The following TP63 variants were observed in gnomAD, a reference collection of about 807,000 sequenced individuals.
TP63 encodes the protein tumor protein p63, also known as tumor protein 63.
TP63 carries 17 observed loss-of-function variants against 82.8 expected under a neutral mutation model. That is an observed-to-expected ratio of 0.21 (90% confidence interval 0.14 to 0.31). The LOEUF is 0.31. Ranked by LOEUF, TP63 falls within the 10% of genes least tolerant of loss-of-function variation. TP63 has a pLI of 1.00. For missense variants in TP63, 648 were observed against 895.3 expected, an observed-to-expected ratio of 0.72 and a Z score of 3.52; for synonymous variants, 330 against 321.7, an observed-to-expected ratio of 1.03 and a Z score of -0.28.
intron 1 of TP63, among the ~76,000 whole-genome samples, chr3:189,732,563 C>T (rs1296222320): frequency 1.3e-5 from 2 of 152,204 alleles, no homozygotes; most frequent in Admixed American, 6.5e-5. Flanking sequence ...AGAACCAATG[C>T]ATTGACTACC....
At chr3:189,777,582 C>T (rs962691042) in intron 3 of TP63, among the ~76,000 whole-genome samples, 2 of 150,590 alleles carry the variant, frequency 1.3e-5, no homozygotes, top group African/African-American at 4.9e-5. Context: ...ATGTCGATTT[C>T]CTCTTCCTCT....
the TP63 span, among the ~76,000 whole-genome samples, chr3:189,611,898 G>C: frequency 5.3e-5 from 8 of 152,096 alleles, no homozygotes. Context: ...AGTTGTGAAT[G>C]GGATTGCCTT....
chr3:189,713,350 C>T (rs1718732318), intron 1 of TP63, among the ~76,000 whole-genome samples: 1 of 152,172 alleles, frequency 6.6e-6, no homozygotes, highest in Non-Finnish European at 1.5e-5. Flanking sequence ...TACACATGAG[C>T]ATCTGGTTTT....
intron 3 of TP63, among the ~76,000 whole-genome samples, chr3:189,770,300 C>T (rs946235021): frequency 2.6e-5 from 4 of 152,020 alleles, no homozygotes; most frequent in African/African-American, 7.2e-5. Flanking sequence ...TATTTTGGGC[C>T]GGGTATGGTG....
chr3:189,683,662 C>A (rs1179699400), intron 1 of TP63, among the ~76,000 whole-genome samples: 1 of 152,194 alleles, frequency 6.6e-6, no homozygotes, highest in Non-Finnish European at 1.5e-5. Flanking sequence ...TATAGTTGGA[C>A]AATTGCAGTT....
At chr3:189,737,265 A>AG (rs141524134) in intron 1 of TP63, among the ~76,000 whole-genome samples, 4,309 of 152,192 alleles carry the variant, frequency 0.028, 72 homozygotes, top group Admixed American at 0.052. Flanking sequence ...GACTAATCTG[A>AG]GGAAAAAATT....
chr3:189,875,287 G>C (rs1311684303), intron 10 of TP63, among the ~76,000 whole-genome samples: 2 of 151,758 alleles, frequency 1.3e-5, no homozygotes, highest in Non-Finnish European at 2.9e-5. Flanking sequence ...AAAACTGTAG[G>C]CCGGGCACGG....
At chr3:189,680,244 T>G (rs780131819) in intron 1 of TP63, among the ~76,000 whole-genome samples, 1 of 152,124 alleles carries the variant, frequency 6.6e-6, no homozygotes, top group Non-Finnish European at 1.5e-5. Flanking sequence ...ATATTTTCAT[T>G]TATATGTGTC....
At chr3:189,832,031 C>T (rs1712443009) in intron 4 of TP63, among the ~76,000 whole-genome samples, 2 of 151,878 alleles carry the variant, frequency 1.3e-5, no homozygotes, top group Admixed American at 1.3e-4. Flanking sequence ...AGGGTTTCAC[C>T]ATGTTGGTCA....
chr3:189,634,240 A>AC (rs1425154902), intron 1 of TP63, among the ~76,000 whole-genome samples: 1 of 152,060 alleles, frequency 6.6e-6, no homozygotes, highest in Non-Finnish European at 1.5e-5. Context: ...GTCTTTACTG[A>AC]CCTTGTGTTT....
intron 4 of TP63, among the ~76,000 whole-genome samples, chr3:189,858,822 A>C (rs778625210): frequency 6.6e-6 from 1 of 152,182 alleles, no homozygotes; most frequent in Non-Finnish European, 1.5e-5. Flanking sequence ...TTGCAACAAC[A>C]TGGATAAATC....
intron 3 of TP63, among the ~76,000 whole-genome samples, chr3:189,780,738 G>T (rs1441628525): frequency 6.6e-6 from 1 of 152,280 alleles, no homozygotes; most frequent in East Asian, 1.9e-4. Flanking sequence ...TGACATTTGT[G>T]CCTGGGAGAG....
chr3:189,780,298 T>C (rs1724131727), intron 3 of TP63, among the ~76,000 whole-genome samples: 1 of 152,168 alleles, frequency 6.6e-6, no homozygotes. Context: ...AAGCTCTTAT[T>C]ACCCAGCCCC....
At chr3:189,781,346 A>G (rs978424074) in intron 3 of TP63, among the ~76,000 whole-genome samples, 1 of 152,150 alleles carries the variant, frequency 6.6e-6, no homozygotes, top group Non-Finnish European at 1.5e-5. Flanking sequence ...GGTGGTGTGC[A>G]TACTGGATGG....
chr3:189,804,682 AT>A (rs1236248402), intron 3 of TP63, among the ~76,000 whole-genome samples: 1 of 152,224 alleles, frequency 6.6e-6, no homozygotes, highest in Non-Finnish European at 1.5e-5. Context: ...GAATTTATTG[AT>A]TTTTAATAAA....
rs534034897 is a variant in TP63, at chr3:189,816,291, T to C, written c.579+7765T>C. 4.7e-4 allele frequency among the ~76,000 whole-genome samples: 71 copies of C among 152,340 alleles called. 1 individual carries two copies. The Middle Eastern group carries it at 0.01, about 22-fold the overall frequency. On this transcript the variant is annotated intron_variant, in intron 4 of 13. Coordinates refer to ENST00000264731, the MANE Select transcript of TP63 (RefSeq NM_003722.5). ...TAAGCTCAAAAGAGATCCCTTAAAATGAATGCAAACTTAAAATCGGCCCTG... is the reference window on the plus strand; with the variant it reads ...TAAGCTCAAAAGAGATCCCTTAAAACGAATGCAAACTTAAAATCGGCCCTG...
intron 4 of TP63, among the ~76,000 whole-genome samples, chr3:189,817,024 A>G (rs1207130903): frequency 6.6e-6 from 1 of 151,956 alleles, no homozygotes; most frequent in Admixed American, 6.6e-5. Context: ...AAACCCTACA[A>G]CTTGCCACCT....
intron 1 of TP63, among the ~76,000 whole-genome samples, chr3:189,653,855 G>T (rs1238835287): frequency 6.6e-6 from 1 of 152,100 alleles, no homozygotes; most frequent in Admixed American, 6.6e-5. Flanking sequence ...ATATGTTTAA[G>T]GGATTAAATC....
At chr3:189,821,480 C>T (rs1353073287) in intron 4 of TP63, among the ~76,000 whole-genome samples, 1 of 152,164 alleles carries the variant, frequency 6.6e-6, no homozygotes, top group Non-Finnish European at 1.5e-5. Flanking sequence ...GAGGGTCAAG[C>T]GTGCTTACCA....
Sources: gnomAD v4.1 joint callset for allele counts (sites outside exome capture counted in the v4.1 genomes callset) on GRCh38, gnomAD v4.1.1 for gene constraint, MANE v1.5 for transcripts, NCBI Gene and HGNC (gene_info 2026-07-23, HGNC 2026-07-21) for gene names.